AKAP19: variants seen among roughly 807,000 people sequenced by gnomAD.
AKAP19 encodes the protein small A-kinase anchoring protein.
the AKAP19 span, among the ~76,000 whole-genome samples, chr2:190,037,889 G>A: frequency 1.3e-5 from 2 of 152,166 alleles, no homozygotes; most frequent in African/African-American, 4.8e-5. Flanking sequence ...AAAGTTACGT[G>A]TTTTTACAAT....
the AKAP19 span, among the ~76,000 whole-genome samples, chr2:190,126,370 T>G: frequency 6.9e-6 from 1 of 144,734 alleles, no homozygotes; most frequent in Non-Finnish European, 1.5e-5. Context: ...GGTACAATTT[T>G]CTTAACAGAA....
chr2:190,192,441 T>A, the AKAP19 span, among the ~76,000 whole-genome samples: 3 of 149,400 alleles, frequency 2.0e-5, no homozygotes, highest in Admixed American at 6.8e-5. Flanking sequence ...TTTCCATGTA[T>A]AATTCAGAAT....
chr2:190,062,750 G>T, the AKAP19 span: 1 of 674,874 alleles, frequency 1.5e-6, no homozygotes, highest in South Asian at 2.0e-5. Context: ...ATTCCAAGTG[G>T]CTTTTTATAT....
At chr2:190,034,152 G>A in the AKAP19 span, among the ~76,000 whole-genome samples, 1 of 151,600 alleles carries the variant, frequency 6.6e-6, no homozygotes, top group Non-Finnish European at 1.5e-5. Context: ...TGTTTAACAT[G>A]TAGTAAACAA....
chr2:189,913,745 T>C, the AKAP19 span, among the ~76,000 whole-genome samples: 547 of 152,256 alleles, frequency 3.6e-3, 6 homozygotes, highest in Non-Finnish European at 3.1e-3. Flanking sequence ...AAATTTGATA[T>C]AGAACAGTTG....
chr2:189,901,743 A>G, the AKAP19 span, among the ~76,000 whole-genome samples: 39 of 152,218 alleles, frequency 2.6e-4, no homozygotes, highest in African/African-American at 9.2e-4. Flanking sequence ...GTTGTCCCTC[A>G]AACTTAATAA....
the AKAP19 span, among the ~76,000 whole-genome samples, chr2:190,147,755 T>C: frequency 1.3e-5 from 2 of 152,036 alleles, no homozygotes; most frequent in African/African-American, 4.8e-5. Flanking sequence ...TTTTTGTTGT[T>C]GTTGTTGTTG....
the AKAP19 span, among the ~76,000 whole-genome samples, chr2:190,013,577 G>A: frequency 3.9e-4 from 59 of 152,022 alleles, no homozygotes; most frequent in Non-Finnish European, 6.9e-4. Context: ...GTGCAGCGGC[G>A]TGATCTTGGC....
At chr2:190,117,446 G>A in the AKAP19 span, among the ~76,000 whole-genome samples, 1 of 152,184 alleles carries the variant, frequency 6.6e-6, no homozygotes, top group Non-Finnish European at 1.5e-5. Context: ...AAAAAGGTAA[G>A]TAGGGTTCTG....
chr2:189,919,280 G>A, the AKAP19 span, among the ~76,000 whole-genome samples: 5 of 152,106 alleles, frequency 3.3e-5, no homozygotes, highest in Admixed American at 1.3e-4. Flanking sequence ...TGGGTGTAGG[G>A]TTTCCTTTTG....
chr2:190,029,534 A>G, the AKAP19 span, among the ~76,000 whole-genome samples: 1 of 152,206 alleles, frequency 6.6e-6, no homozygotes, highest in Non-Finnish European at 1.5e-5. Context: ...GTTGAGTGAA[A>G]AAACAGGTTA....
At chr2:190,180,345 T>G in the AKAP19 span, 5 of 516,978 alleles carry the variant, frequency 9.7e-6, no homozygotes, top group Non-Finnish European at 1.2e-5. This position sits in a 1 kb window ranked among gnomAD's most constrained non-coding sequence, Gnocchi z 6.8. Context: ...CAGCACCTGT[T>G]GTCCCAAGGC....
the AKAP19 span, chr2:190,200,042 ATGCACACCGCC>A: frequency 6.2e-7 from 1 of 1,614,138 alleles, no homozygotes. Flanking sequence ...ATCTTGGAAT[ATGCACACCGCC>A]TGTCTCAGGA....
At chr2:190,094,111 T>G in the AKAP19 span, among the ~76,000 whole-genome samples, 1 of 152,202 alleles carries the variant, frequency 6.6e-6, no homozygotes, top group South Asian at 2.1e-4. Flanking sequence ...TAGTTTGACC[T>G]CCCACTATGT....
the AKAP19 span, among the ~76,000 whole-genome samples, chr2:189,954,515 G>A: frequency 6.6e-6 from 1 of 152,154 alleles, no homozygotes; most frequent in Non-Finnish European, 1.5e-5. Context: ...TAAGCATGTG[G>A]GAGTCATTTA....
the AKAP19 span, among the ~76,000 whole-genome samples, chr2:190,152,737 T>C: frequency 6.6e-6 from 1 of 152,236 alleles, no homozygotes; most frequent in South Asian, 2.1e-4. Context: ...TTTATGATAA[T>C]GAGTCTTTCT....
At chr2:189,906,480 T>A in the AKAP19 span, among the ~76,000 whole-genome samples, 1 of 152,094 alleles carries the variant, frequency 6.6e-6, no homozygotes, top group Non-Finnish European at 1.5e-5. Flanking sequence ...TTTTCAGATT[T>A]ACCTGTTAGG....
chr2:189,888,451 A>G, the AKAP19 span, among the ~76,000 whole-genome samples: 1 of 151,704 alleles, frequency 6.6e-6, no homozygotes, highest in African/African-American at 2.4e-5. Context: ...TTTGAAATTT[A>G]AAGTAGTTTT....
the AKAP19 span, among the ~76,000 whole-genome samples, chr2:190,061,235 G>T: frequency 1.3e-5 from 2 of 151,922 alleles, no homozygotes; most frequent in Non-Finnish European, 1.5e-5. Flanking sequence ...AAAACTGTTT[G>T]GAGTCTTGTT....
Sources: allele counts gnomAD v4.1 joint callset (sites outside exome capture counted in the v4.1 genomes callset), GRCh38; gene constraint gnomAD v4.1.1; non-coding constraint Gnocchi (gnomAD v3.1); transcripts MANE v1.5; gene names NCBI Gene and HGNC (gene_info 2026-07-23, HGNC 2026-07-21).